The following RC3H2 variants were observed in gnomAD, a reference collection of about 807,000 sequenced individuals.
The protein encoded by RC3H2 is roquin-2.
A neutral mutation model predicts 133.3 loss-of-function variants in RC3H2; 31 were observed. The observed-to-expected ratio is 0.23, with a 90% CI of 0.17 to 0.31. RC3H2 has a LOEUF of 0.31. Among genes scored for constraint, RC3H2 ranks in the 10% least tolerant of loss-of-function variants. RC3H2 has a pLI of 1.00. For missense variants in RC3H2, 1,175 were observed against 1,437.2 expected (o/e 0.82, Z 2.95); for synonymous variants, 517 against 502.2 (o/e 1.03, Z -0.40).
At chr9:122,892,205 G>A (rs973337250) in intron 3 of RC3H2, among the ~76,000 whole-genome samples, 5 of 151,676 alleles carry the variant, frequency 3.3e-5, no homozygotes, top group African/African-American at 1.2e-4. Flanking sequence ...TCAACTTCCT[G>A]GGCTCATGTG....
intron 8 of RC3H2, among the ~76,000 whole-genome samples, chr9:122,878,780 ACT>A (rs1032089876): frequency 4.2e-5 from 6 of 144,184 alleles, no homozygotes; most frequent in Admixed American, 2.1e-4. Context: ...GACAAGAGTC[ACT>A]CTGTCGCCCA....
In RC3H2 at chr9:122,849,780, G is replaced by A; in HGVS notation, c.3423C>T (p.Ser1141=). The A allele has an allele frequency of 6.3e-7, 1 of 1,585,604 alleles. No homozygotes were observed. The highest frequency in any genetic ancestry group is 8.6e-7 in the Non-Finnish European group (1 of 1,167,670). The change falls in exon 21 of 21, where the codon AGC becomes AGT. Residue 1141 remains serine, a synonymous_variant. Coordinates refer to ENST00000357244, the MANE Select transcript of RC3H2 (RefSeq NM_001100588.3). ...KTILPVTSCF[S]QPLPVSISNA... ...TGCTAATAGACACTGGGAGTGGCTGGCTAAAGCAAGAAGTTACCGGCAGAA... is the reference window on the plus strand; with the variant it reads ...TGCTAATAGACACTGGGAGTGGCTGACTAAAGCAAGAAGTTACCGGCAGAA...
chr9:122,853,418 C>G (rs1260634219), intron 18 of RC3H2, among the ~76,000 whole-genome samples: 2 of 150,746 alleles, frequency 1.3e-5, no homozygotes, highest in Admixed American at 1.3e-4. Flanking sequence ...GATTTTATAC[C>G]TGTGGAACCT....
intron 1 of RC3H2, among the ~76,000 whole-genome samples, chr9:122,903,770 T>C (rs1832742906): frequency 6.6e-6 from 1 of 152,238 alleles, no homozygotes; most frequent in Admixed American, 6.5e-5. Flanking sequence ...AAAATGTCAA[T>C]ATTGAAAAGC....
chr9:122,854,233 A>G lies in RC3H2; in HGVS notation c.2934T>C (p.His978=), dbSNP rs1341271295. Residue 978 remains histidine (H), a synonymous_variant, in exon 17 of 21, where the codon CAT becomes CAC. Coordinates refer to ENST00000357244, the MANE Select transcript of RC3H2 (RefSeq NM_001100588.3). ...DRFIVTDLSG[H]RKHSSTGDLL... ...GGTCCCCAGTACTGGAATGCTTTCT[A>G]TGACCAGATAAATCAGTAACAATGA... 5.0e-6 allele frequency: 8 copies of G among 1,613,692 alleles called. No homozygotes were observed. The highest frequency in any genetic ancestry group is 6.8e-6 in the Non-Finnish European group (8 of 1,179,882).
rs144355425 is a variant in RC3H2, at chr9:122,858,273, G to A, written c.2284-180C>T. 2.3e-3 allele frequency among the ~76,000 whole-genome samples: 349 copies of A among 152,326 alleles called. 1 individual carries two copies. The highest frequency in any genetic ancestry group is 4.6e-3 in the Admixed American group (70 of 15,304). On this transcript the variant is annotated intron_variant, in intron 12 of 20. Transcript: ENST00000357244. ...AAAGGTTAATATTTATTCAACTGAT[G>A]TTAAACGCAGAATCTGAGCACTCAC... is the stretch of plus-strand genomic sequence containing the variant.
At chr9:122,878,315 G>A (rs1831430700) in intron 8 of RC3H2, among the ~76,000 whole-genome samples, 2 of 152,102 alleles carry the variant, frequency 1.3e-5, no homozygotes, top group East Asian at 1.9e-4. Context: ...TGCCCAGGCT[G>A]GAGTGCAGTG....
chr9:122,880,526 T>G (rs1160693639), intron 6 of RC3H2, 68 bp downstream of exon 6: 12 of 1,241,766 alleles, frequency 9.7e-6, no homozygotes, highest in Non-Finnish European at 1.4e-5. Context: ...TATAGACTCT[T>G]TAGAATATTC....
At chr9:122,879,956 GAAAAAAATAT>G (rs2131459237) in intron 7 of RC3H2, 27 bp downstream of exon 7, 2 of 1,611,936 alleles carry the variant, frequency 1.2e-6, no homozygotes, top group African/African-American at 2.7e-5. Context: ...CTCAAAAGTA[GAAAAAAATAT>G]AAGCAACTGA....
intron 3 of RC3H2, among the ~76,000 whole-genome samples, chr9:122,891,279 T>A (rs996835698): frequency 1.3e-5 from 2 of 152,166 alleles, no homozygotes. Flanking sequence ...CGCCTCGGCC[T>A]CTCAAAGTGC....
In RC3H2 at chr9:122,846,164, A is replaced by G. The variant is rs752188675; in HGVS notation, c.*3463T>C. On this transcript the variant is annotated 3_prime_UTR_variant, in exon 21 of 21. Coordinates refer to ENST00000357244, the MANE Select transcript of RC3H2 (RefSeq NM_001100588.3). Reference sequence around the variant, plus strand: ...CATCCTGTAATTTTCTCAAGGCAGCATATAAAATTGGGATGTGCTTTATAT... The same window carrying G: ...CATCCTGTAATTTTCTCAAGGCAGCGTATAAAATTGGGATGTGCTTTATAT... 2.0e-5 allele frequency: 3 copies of G among 152,226 alleles called. No individual in the cohort carries two copies. The highest frequency in any genetic ancestry group is 4.4e-5 in the Non-Finnish European group (3 of 68,026). 9.4% of individuals were successfully genotyped at this position (152,226 alleles called of 1,614,324 possible).
intron 18 of RC3H2, among the ~76,000 whole-genome samples, chr9:122,852,819 C>T (rs1205637064): frequency 3.3e-5 from 5 of 151,976 alleles, no homozygotes; most frequent in African/African-American, 9.7e-5. Context: ...CGCCTCTGCC[C>T]GGCCGCCCCT....
At chr9:122,862,588 G>A (rs961102915) in intron 10 of RC3H2, among the ~76,000 whole-genome samples, 1 of 152,016 alleles carries the variant, frequency 6.6e-6, no homozygotes, top group African/African-American at 2.4e-5. Flanking sequence ...TAAAAATTTA[G>A]ATTTATTTTT....
chr9:122,883,935 G>A (rs1195505403), intron 4 of RC3H2, among the ~76,000 whole-genome samples: 7 of 152,182 alleles, frequency 4.6e-5, no homozygotes, highest in African/African-American at 1.7e-4. Context: ...TGAAGCTGTA[G>A]TGAGCTGTGA....
intron 4 of RC3H2, among the ~76,000 whole-genome samples, chr9:122,887,797 T>G (rs529404119): frequency 6.8e-6 from 1 of 147,966 alleles, no homozygotes; most frequent in South Asian, 2.2e-4. Context: ...CAGGCTAAAG[T>G]GAAGTGGCAT....
intron 11 of RC3H2, 108 bp downstream of exon 11, chr9:122,859,809 A>C (rs1240718446): frequency 1.1e-6 from 1 of 932,328 alleles, no homozygotes; most frequent in Non-Finnish European, 1.7e-6. Flanking sequence ...TGAGTCACAT[A>C]GTCAAAAGGA....
chr9:122,872,060 G>A (rs1261922040), intron 9 of RC3H2, among the ~76,000 whole-genome samples: 1 of 152,080 alleles, frequency 6.6e-6, no homozygotes, highest in East Asian at 1.9e-4. Context: ...TTACAGGCGT[G>A]AGCCACCTCA....
At position 122,860,085 on chromosome 9, in the gene RC3H2, T is replaced by A; in HGVS notation, c.1681A>T (p.Thr561Ser). Residue 561 changes from threonine to serine, a missense_variant, in exon 11 of 21, where the codon ACC (threonine) becomes TCC (serine). Physicochemically the swap from Thr to Ser is moderately conservative, Grantham distance 58. Around this residue, in one of 8 missense-constraint regions of RC3H2, gnomAD observed 490 missense variants for 492.8 expected, o/e 0.99. Coordinates refer to ENST00000357244, the MANE Select transcript of RC3H2 (RefSeq NM_001100588.3). ...CCAACATTAGAGGGCCCAGCTGAGG[T>A]AGCTGCTACATTACTTACAGGAGTC... is the stretch of plus-strand genomic sequence containing the variant. Reference protein sequence around the residue: ...PKTPVSNVAATSAGPSNVGTE... With the variant: ...PKTPVSNVAASSAGPSNVGTE... The A allele has an allele frequency of 6.2e-7, 1 of 1,614,102 alleles. No individual in the cohort carries two copies. The highest frequency in any genetic ancestry group is 1.3e-5 in the African/African-American group (1 of 75,024).
intron 18 of RC3H2, among the ~76,000 whole-genome samples, chr9:122,853,092 G>A (rs1481052946): frequency 6.6e-6 from 1 of 152,096 alleles, no homozygotes. Flanking sequence ...CTCCAACCCT[G>A]TGCTCTCTGA....
Sources: allele counts gnomAD v4.1 joint callset (sites outside exome capture counted in the v4.1 genomes callset), GRCh38; gene constraint gnomAD v4.1.1; regional missense constraint gnomAD v4.1.1; transcripts MANE v1.5; gene names NCBI Gene and HGNC (gene_info 2026-07-23, HGNC 2026-07-21).